ERBB4: variants seen among roughly 807,000 people sequenced by gnomAD.
ERBB4 encodes receptor tyrosine-protein kinase erbB-4.
Under a neutral mutation model 158.0 loss-of-function variants are expected in ERBB4, and 42 were observed. The observed-to-expected ratio is 0.27, with a 90% CI of 0.21 to 0.34. The LOEUF is 0.34. Among genes scored for constraint, ERBB4 ranks in the 10% least tolerant of loss-of-function variants. The pLI, the probability that ERBB4 is intolerant of heterozygous loss-of-function variation, is 1.00. For synonymous variants in ERBB4, 583 were observed against 558.7 expected, an observed-to-expected ratio of 1.04 and a Z score of -0.61; for missense variants, 1,333 against 1,624.1, an observed-to-expected ratio of 0.82 and a Z score of 3.08.
At chr2:212,440,807 A>T (rs996488291) in intron 1 of ERBB4, among the ~76,000 whole-genome samples, 8 of 152,308 alleles carry the variant, frequency 5.3e-5, no homozygotes, top group Middle Eastern at 3.4e-3. Context: ...CATACATAAC[A>T]CCTTTGACCA....
intron 25 of ERBB4, among the ~76,000 whole-genome samples, chr2:211,413,498 C>T (rs1222670557): frequency 6.6e-6 from 1 of 152,082 alleles, no homozygotes; most frequent in Non-Finnish European, 1.5e-5. Flanking sequence ...ACCACCATGT[C>T]AAGCCAATAT....
chr2:212,143,145 CATT>C (rs374143110), intron 1 of ERBB4, among the ~76,000 whole-genome samples: 1 of 152,112 alleles, frequency 6.6e-6, no homozygotes, highest in African/African-American at 2.4e-5. Flanking sequence ...AAAAATATCT[CATT>C]GTGATTATTT....
chr2:211,584,337 A>G (rs951283776), intron 19 of ERBB4, among the ~76,000 whole-genome samples: 1 of 152,016 alleles, frequency 6.6e-6, no homozygotes, highest in African/African-American at 2.4e-5. Flanking sequence ...ATGGATAGGT[A>G]ATTCATTTGT....
chr2:211,782,393 T>C (rs997195113), intron 4 of ERBB4, among the ~76,000 whole-genome samples: 1 of 151,518 alleles, frequency 6.6e-6, no homozygotes, highest in African/African-American at 2.4e-5. Flanking sequence ...TCATTTTTGC[T>C]TGTCTGAATT....
chr2:211,732,076 C>A (rs2106154745), intron 5 of ERBB4, among the ~76,000 whole-genome samples: 1 of 151,974 alleles, frequency 6.6e-6, no homozygotes, highest in Middle Eastern at 3.4e-3. Flanking sequence ...TATTTCCAAA[C>A]TTCTGCTCTA....
intron 20 of ERBB4, among the ~76,000 whole-genome samples, chr2:211,536,410 C>T (rs2066654539): frequency 6.6e-6 from 1 of 152,036 alleles, no homozygotes; most frequent in African/African-American, 2.4e-5. Flanking sequence ...CTGACTCAAA[C>T]TGTGGACATT....
At chr2:211,919,371 T>C (rs2079796867) in intron 3 of ERBB4, among the ~76,000 whole-genome samples, 2 of 152,084 alleles carry the variant, frequency 1.3e-5, no homozygotes, top group South Asian at 4.1e-4. Flanking sequence ...AAATTAAATA[T>C]AAATAGTCTT....
chr2:212,434,452 G>A (rs986582834), intron 1 of ERBB4, among the ~76,000 whole-genome samples: 3 of 151,432 alleles, frequency 2.0e-5, no homozygotes, highest in African/African-American at 4.8e-5. Flanking sequence ...TTGGAATATC[G>A]AAGAACTAAG....
intron 20 of ERBB4, among the ~76,000 whole-genome samples, chr2:211,492,544 C>T (rs944466512): frequency 3.9e-5 from 6 of 151,954 alleles, no homozygotes; most frequent in African/African-American, 1.4e-4. Flanking sequence ...GATGAAAAAC[C>T]TGTGAGGTAG....
chr2:211,673,793 G>A (rs1355449705), intron 13 of ERBB4, among the ~76,000 whole-genome samples: 1 of 151,922 alleles, frequency 6.6e-6, no homozygotes. Context: ...TAAAATATCT[G>A]CCTTGGAGAA....
intron 1 of ERBB4, among the ~76,000 whole-genome samples, chr2:212,504,465 CAA>C (rs1354599746): frequency 6.8e-6 from 1 of 147,128 alleles, no homozygotes; most frequent in African/African-American, 2.5e-5. Flanking sequence ...AAAAATAATA[CAA>C]AAAGAGATCC....
At chr2:211,393,985 C>A (rs540958162) in intron 25 of ERBB4, among the ~76,000 whole-genome samples, 2 of 152,164 alleles carry the variant, frequency 1.3e-5, no homozygotes, top group African/African-American at 4.8e-5. Context: ...TCAATAAATT[C>A]TTCTTCCTGC....
chr2:211,852,648 T>TG (rs2106038223), intron 3 of ERBB4, among the ~76,000 whole-genome samples: 1 of 151,554 alleles, frequency 6.6e-6, no homozygotes, highest in Non-Finnish European at 1.5e-5. Flanking sequence ...TTTTTTTTTT[T>TG]TTTGCCGTTG....
At chr2:212,098,877 A>C (rs1237948193) in intron 2 of ERBB4, among the ~76,000 whole-genome samples, 2 of 152,176 alleles carry the variant, frequency 1.3e-5, no homozygotes, top group African/African-American at 2.4e-5. Context: ...GGAATGATGC[A>C]GAAATAACAG....
At chr2:212,217,175 A>G (rs1254994543) in intron 1 of ERBB4, among the ~76,000 whole-genome samples, 1 of 151,366 alleles carries the variant, frequency 6.6e-6, no homozygotes, top group Admixed American at 6.6e-5. Context: ...GAAAAAGGCA[A>G]TGGATACTTG....
chr2:212,523,570 A>AT (rs1453429821), intron 1 of ERBB4, among the ~76,000 whole-genome samples: 1 of 90,530 alleles, frequency 1.1e-5, no homozygotes, highest in Non-Finnish European at 2.1e-5. Flanking sequence ...AAGAATGACA[A>AT]TTAAAAAAAA....
intron 20 of ERBB4, among the ~76,000 whole-genome samples, chr2:211,524,319 G>C (rs577042460): frequency 2.0e-3 from 297 of 152,298 alleles, no homozygotes; most frequent in Non-Finnish European, 3.6e-3. Context: ...GCTTCACCCA[G>C]TGGATCCCTC....
At chr2:211,572,406 C>T (rs1313981872) in intron 19 of ERBB4, among the ~76,000 whole-genome samples, 1 of 152,110 alleles carries the variant, frequency 6.6e-6, no homozygotes, top group Non-Finnish European at 1.5e-5. Flanking sequence ...CTCTATTCTC[C>T]ACCATTTTCT....
chr2:212,405,216 G>A (rs1482549224), intron 1 of ERBB4, among the ~76,000 whole-genome samples: 6 of 151,796 alleles, frequency 4.0e-5, no homozygotes, highest in African/African-American at 9.7e-5. Flanking sequence ...ACATACATGC[G>A]GCCAACAAGC....
Sources: allele counts gnomAD v4.1 joint callset (sites outside exome capture counted in the v4.1 genomes callset), GRCh38; gene constraint gnomAD v4.1.1; transcripts MANE v1.5; gene names NCBI Gene and HGNC (gene_info 2026-07-23, HGNC 2026-07-21).